HAL: variants seen among roughly 807,000 people sequenced by gnomAD.
HAL encodes the protein histidase.
In HAL, 85 loss-of-function variants were observed where a neutral mutation model predicts 81.1. The ratio of observed to expected loss-of-function variants is 1.05; its 90% CI spans 0.88 to 1.25. The LOEUF is 1.25. HAL is among the 50% of genes most tolerant of loss of function. The pLI, the probability that HAL is intolerant of heterozygous loss-of-function variation, is 0.00. For missense variants in HAL, 798 were observed against 836.6 expected, an observed-to-expected ratio of 0.95 and a Z score of 0.57; for synonymous variants, 301 against 309.2, an observed-to-expected ratio of 0.97 and a Z score of 0.28.
intron 20 of HAL, 68 bp downstream of exon 20, chr12:95,976,361 T>A (rs2080718252): frequency 8.2e-7 from 1 of 1,225,312 alleles, no homozygotes. Flanking sequence ...AGGCAATGTT[T>A]CTCCATCCCC....
At chr12:95,983,247 G>T (rs973389621) in intron 15 of HAL, among the ~76,000 whole-genome samples, 1 of 152,106 alleles carries the variant, frequency 6.6e-6, no homozygotes, top group Non-Finnish European at 1.5e-5. Flanking sequence ...TATTAGCCAG[G>T]CCTGCTGGCA....
chr12:95,973,418 C>T lies in HAL; in HGVS notation c.*814G>A, dbSNP rs954254187. 1.6e-4 allele frequency: 24 copies of T among 152,082 alleles called. No homozygotes were observed. The highest frequency in any genetic ancestry group is 5.3e-4 in the African/African-American group (22 of 41,398). 9.4% of individuals were successfully genotyped at this position (152,082 alleles called of 1,614,324 possible). ...GAGGTTGGTTAATCCCCAAAGATTC[C>T]TTATCTGTGAAATGAGGAAGGTTAC... On this transcript the variant is annotated 3_prime_UTR_variant, in exon 21 of 21. Coordinates refer to ENST00000261208, the MANE Select transcript of HAL (RefSeq NM_002108.4).
At position 95,976,463 on chromosome 12, in the gene HAL, A is replaced by G; in HGVS notation, c.1799T>C (p.Ile600Thr). 1 of 1,614,140 alleles carries G rather than the reference A, an allele frequency of 6.2e-7. No homozygotes were observed. The highest frequency in any genetic ancestry group is 1.1e-5 in the South Asian group (1 of 91,078). Residue 600 changes from isoleucine (I) to threonine (T), a missense_variant, in exon 20 of 21, where the codon ATC becomes ACC. By Grantham distance (89) the Ile-to-Thr change is moderately conservative. Coordinates refer to ENST00000261208, the MANE Select transcript of HAL (RefSeq NM_002108.4). Reference protein sequence around the residue: ...WIKDRFMAPDIEAAHRLLLEQ... With the variant: ...WIKDRFMAPDTEAAHRLLLEQ... Reference sequence around the variant, plus strand: ...CAGGAGCAGCCTGTGGGCTGCCTCGATGTCCGGGGCCATGAAGCGATCTTT... The same window carrying G: ...CAGGAGCAGCCTGTGGGCTGCCTCGGTGTCCGGGGCCATGAAGCGATCTTT...
chr12:95,993,131 G>A (rs1949992307), intron 8 of HAL, among the ~76,000 whole-genome samples: 1 of 152,096 alleles, frequency 6.6e-6, no homozygotes. Flanking sequence ...GTGCTGATTG[G>A]TGACAGTCTT....
chr12:95,976,752 C>A, intron 18 of HAL, 46 bp from the exon 19 acceptor site: 1 of 1,222,936 alleles, frequency 8.2e-7, no homozygotes, highest in Non-Finnish European at 1.2e-6. Context: ...AGTCTGACTT[C>A]ATGCTTAAGG....
intron 2 of HAL, chr12:95,995,337 C>A (rs1950021126): frequency 3.6e-6 from 2 of 557,174 alleles, no homozygotes; most frequent in African/African-American, 1.9e-5. Flanking sequence ...GGCAAAATAA[C>A]CTCAAAATGA....
chr12:95,975,808 C>T (rs903283788), intron 20 of HAL, among the ~76,000 whole-genome samples: 2 of 152,086 alleles, frequency 1.3e-5, no homozygotes, highest in African/African-American at 2.4e-5. Flanking sequence ...GGAAATCAAG[C>T]GATTCTAGGG....
intron 9 of HAL, among the ~76,000 whole-genome samples, 156 bp downstream of exon 9, chr12:95,992,524 C>A (rs1009593593): frequency 4.6e-5 from 7 of 152,212 alleles, no homozygotes; most frequent in African/African-American, 7.2e-5. Flanking sequence ...CCTCTTCCCC[C>A]ATCTAACTAT....
chr12:95,974,511 G>A, intron 20 of HAL, 139 bp from the exon 21 acceptor site: 1 of 777,218 alleles, frequency 1.3e-6, no homozygotes, highest in Non-Finnish European at 2.2e-6. Flanking sequence ...TTTATTTTAA[G>A]CCATTTGACA....
chr12:95,991,555 T>G (rs1316216705), intron 9 of HAL, among the ~76,000 whole-genome samples: 2 of 152,188 alleles, frequency 1.3e-5, no homozygotes, highest in African/African-American at 4.8e-5. Context: ...TTCTAAGAAA[T>G]TCCCAAAAAG....
intron 20 of HAL, 55 bp downstream of exon 20, chr12:95,976,374 C>T: frequency 7.3e-7 from 1 of 1,371,868 alleles, no homozygotes; most frequent in Non-Finnish European, 1.0e-6. Context: ...CCATCCCCGA[C>T]TTTGCTTTCC....
intron 18 of HAL, 33 bp from the exon 19 acceptor site, chr12:95,976,739 G>A: frequency 1.5e-6 from 2 of 1,367,486 alleles, no homozygotes; most frequent in Non-Finnish European, 2.1e-6. Context: ...GGTAGCTTAT[G>A]AAAGTCTGAC....
intron 11 of HAL, 112 bp from the exon 12 acceptor site, chr12:95,987,326 T>TA: frequency 1.1e-6 from 1 of 873,192 alleles, no homozygotes; most frequent in Non-Finnish European, 2.0e-6. Flanking sequence ...GTCATAAACA[T>TA]AAAAAATTAT....
intron 20 of HAL, chr12:95,976,094 C>T (rs998847619): frequency 1.9e-5 from 7 of 375,908 alleles, no homozygotes; most frequent in East Asian, 1.3e-4. Context: ...CAGAAGGGAA[C>T]GCACTTTTGA....
rs748517649 is a variant in HAL, at chr12:95,980,688, G to T, written c.1387C>A (p.Leu463Ile). 1 of 1,614,040 alleles carries T rather than the reference G, an allele frequency of 6.2e-7. No homozygotes were observed. Among genetic ancestry groups the T allele is most frequent in the Non-Finnish European group, 8.5e-7 (1 of 1,179,892 alleles). Reference sequence around the variant, plus strand: ...ATTCTTCTCTCACTGATTGCAGCAAGTTCATGGATGCCAATGGCCAAGTAG... The same window carrying T: ...ATTCTTCTCTCACTGATTGCAGCAATTTCATGGATGCCAATGGCCAAGTAG... ...LDYLAIGIHE[L>I]AAISERRIER... Residue 463 changes from leucine to isoleucine, a missense_variant, in exon 17 of 21, where the codon CTT (leucine) becomes ATT (isoleucine). By Grantham distance (5) the Leu-to-Ile change is conservative. Coordinates refer to ENST00000261208, the MANE Select transcript of HAL (RefSeq NM_002108.4).
In HAL at chr12:95,995,970, G is replaced by C; in HGVS notation, c.-60C>G. 6.4e-7 allele frequency: 1 copy of C among 1,572,436 alleles called. No homozygotes were observed. Among genetic ancestry groups the C allele is most frequent in the East Asian group, 2.2e-5 (1 of 44,650 alleles). ...CAGGAGGGGAGAGCTTTATGCAGGA[G>C]TGGCTACCGGGGTGTGGTCAGCTGG... On this transcript the variant is annotated 5_prime_UTR_variant, in exon 2 of 21. Coordinates refer to ENST00000261208, the MANE Select transcript of HAL (RefSeq NM_002108.4).
intron 8 of HAL, 66 bp from the exon 9 acceptor site, chr12:95,992,871 C>CTCCCTCCT (rs1262010175): frequency 3.5e-6 from 5 of 1,415,810 alleles, no homozygotes; most frequent in East Asian, 2.3e-5. Flanking sequence ...GACAATTGCC[C>CTCCCTCCT]TCCCTCCCTC....
chr12:95,974,029 G>T lies in HAL; in HGVS notation c.*203C>A. 1 of 634,514 alleles carries T rather than the reference G, an allele frequency of 1.6e-6. No homozygotes were observed. Among genetic ancestry groups the T allele is most frequent in the Non-Finnish European group, 2.8e-6 (1 of 356,040 alleles). 39.3% of individuals were successfully genotyped at this position (634,514 alleles called of 1,614,324 possible). Reference sequence around the variant, plus strand: ...TTTATAATCTGAAAATACCTGGTGGGTCTTGAACCACGACAACAGGAACAC... The same window carrying T: ...TTTATAATCTGAAAATACCTGGTGGTTCTTGAACCACGACAACAGGAACAC... On this transcript the variant is annotated 3_prime_UTR_variant, in exon 21 of 21. Coordinates refer to ENST00000261208, the MANE Select transcript of HAL (RefSeq NM_002108.4).
At chr12:95,993,704 C>A in intron 7 of HAL, 68 bp downstream of exon 7, 1 of 972,738 alleles carries the variant, frequency 1.0e-6, no homozygotes, top group South Asian at 1.3e-5. Context: ...TGAATTATTT[C>A]CCTTGTTGAA....
Sources: allele counts gnomAD v4.1 joint callset (sites outside exome capture counted in the v4.1 genomes callset), GRCh38; gene constraint gnomAD v4.1.1; transcripts MANE v1.5; gene names NCBI Gene and HGNC (gene_info 2026-07-23, HGNC 2026-07-21).